Variants in SEMA4B observed in about 807,000 individuals in gnomAD.
The protein encoded by SEMA4B is semaphorin-4B.
In SEMA4B, 55 loss-of-function variants were observed where a neutral mutation model predicts 88.1. That is an observed-to-expected ratio of 0.62 (90% confidence interval 0.50 to 0.78). The LOEUF is 0.78. Among genes scored for constraint, SEMA4B ranks in the 30% least tolerant of loss-of-function variants. The probability of loss-of-function intolerance (pLI) is 0.00; values close to 1 mark genes in which losing one functional copy is unlikely to be tolerated. For missense variants in SEMA4B, 1,062 were observed against 1,111.9 expected (o/e 0.96, Z 0.64); for synonymous variants, 525 against 473.6 (o/e 1.11, Z -1.41).
rs563424902 is a variant in SEMA4B at position 90,217,776 on chromosome 15, G to A, written c.331G>A (p.Gly111Ser). 1.9e-6 allele frequency: 3 copies of A among 1,613,482 alleles called. No individual in the cohort carries two copies. In the South Asian group the frequency reaches 3.3e-5, roughly 18 times the overall value. The part of the protein sequence containing the change: ...PGGEYQELLW[G>S]ADAEKKQQCS... ...CTTTCTCATTCCCCAGCTGCTTTGG[G>A]GTGCAGACGCAGAGAAGAAACAGCA... The change falls in exon 3 of 14, where the codon GGT becomes AGT. Residue 111 changes from glycine to serine, a missense_variant. Transcript: ENST00000411539.
chr15:90,192,805 G>A (rs1298304332), intron 1 of SEMA4B, among the ~76,000 whole-genome samples: 1 of 152,128 alleles, frequency 6.6e-6, no homozygotes, highest in Non-Finnish European at 1.5e-5. Flanking sequence ...TGGCCAGGCT[G>A]GTCTCAAACT....
At chr15:90,206,599 G>A (rs1961001565) in intron 1 of SEMA4B, 1 of 572,450 alleles carries the variant, frequency 1.7e-6, no homozygotes, top group East Asian at 3.0e-5. Context: ...CTGCTGGAGG[G>A]GTAATGGACA....
intron 1 of SEMA4B, among the ~76,000 whole-genome samples, chr15:90,213,039 C>T (rs1961351434): frequency 6.6e-6 from 1 of 152,164 alleles, no homozygotes. Context: ...GGTCGCGTGC[C>T]AGACACCATG....
intron 1 of SEMA4B, among the ~76,000 whole-genome samples, chr15:90,189,892 T>C (rs1960294156): frequency 6.6e-6 from 1 of 152,178 alleles, no homozygotes; most frequent in Admixed American, 6.6e-5. Flanking sequence ...TCACAGGCTA[T>C]AGTGAAAGAA....
chr15:90,193,126 A>G (rs1190215502), intron 1 of SEMA4B: 1 of 152,308 alleles, frequency 6.6e-6, no homozygotes, highest in Non-Finnish European at 1.5e-5. Context: ...CTCCCTTTCC[A>G]AGCTGCCTCC....
At chr15:90,225,973 C>A in intron 12 of SEMA4B, 146 bp downstream of exon 12, 1 of 584,858 alleles carries the variant, frequency 1.7e-6, no homozygotes, top group Non-Finnish European at 2.7e-6. Context: ...CTCCTGCTTC[C>A]TCTCAAGTGC....
At chr15:90,218,161 C>G (rs1430902428) in intron 3 of SEMA4B, among the ~76,000 whole-genome samples, 4 of 152,112 alleles carry the variant, frequency 2.6e-5, no homozygotes, top group Non-Finnish European at 5.9e-5. Context: ...AAGTCAGCTT[C>G]CAGCGTGAAC....
chr15:90,215,236 T>C (rs548444313), intron 1 of SEMA4B, among the ~76,000 whole-genome samples: 137 of 151,950 alleles, frequency 9.0e-4, no homozygotes, highest in African/African-American at 3.2e-3. Context: ...TTTTTTTTCT[T>C]TGATTTATAT....
intron 1 of SEMA4B, among the ~76,000 whole-genome samples, chr15:90,188,061 G>A (rs1960218439): frequency 1.3e-5 from 2 of 151,826 alleles, no homozygotes. Context: ...GCTCATGCCT[G>A]TAATCCCAGC....
chr15:90,193,925 C>G (rs890448625), intron 1 of SEMA4B, among the ~76,000 whole-genome samples: 5 of 151,432 alleles, frequency 3.3e-5, no homozygotes, highest in African/African-American at 1.2e-4. Flanking sequence ...CATCTTGGCT[C>G]ACTACAACCT....
intron 1 of SEMA4B, chr15:90,215,023 T>G: frequency 2.4e-6 from 3 of 1,254,404 alleles, no homozygotes; most frequent in Non-Finnish European, 3.1e-6. Context: ...CACTTTTTGC[T>G]TCCTCAGCTT....
intron 1 of SEMA4B, among the ~76,000 whole-genome samples, chr15:90,192,631 C>T (rs1157079810): frequency 6.9e-6 from 1 of 145,498 alleles, no homozygotes; most frequent in Non-Finnish European, 1.5e-5. Context: ...GCTCTTGTCA[C>T]CCAGGCTGGA....
upstream of SEMA4B, among the ~76,000 whole-genome samples, chr15:90,199,563 A>G (rs1673664497): frequency 6.6e-6 from 1 of 152,114 alleles, no homozygotes; most frequent in African/African-American, 2.4e-5. Flanking sequence ...GTGGTGGCTC[A>G]CGCCTGAAAT....
chr15:90,220,536 T>G (rs1236828130), intron 4 of SEMA4B, among the ~76,000 whole-genome samples: 3 of 151,602 alleles, frequency 2.0e-5, no homozygotes, highest in Non-Finnish European at 2.9e-5. Context: ...CCTGGCTAAT[T>G]TTTTCTATTT....
At chr15:90,204,800 G>A (rs1960913210) in intron 1 of SEMA4B, among the ~76,000 whole-genome samples, 1 of 152,106 alleles carries the variant, frequency 6.6e-6, no homozygotes, top group African/African-American at 2.4e-5. Context: ...TTTTGAGATG[G>A]AGTTTCGCTC....
chr15:90,223,449 G>A, intron 7 of SEMA4B, 110 bp from the exon 8 acceptor site: 2 of 958,370 alleles, frequency 2.1e-6, no homozygotes, highest in East Asian at 2.8e-5. Context: ...GCCTTCTCCT[G>A]CCCTTCAGTC....
At chr15:90,199,063 G>A (rs1960609526), upstream of SEMA4B, among the ~76,000 whole-genome samples, 1 of 152,108 alleles carries the variant, frequency 6.6e-6, no homozygotes, top group African/African-American at 2.4e-5. Flanking sequence ...TAGTAGAGAT[G>A]GGGATTCACC....
intron 1 of SEMA4B, among the ~76,000 whole-genome samples, chr15:90,191,266 C>T (rs1010973071): frequency 9.9e-5 from 15 of 152,192 alleles, no homozygotes; most frequent in Admixed American, 9.2e-4. Context: ...TTGGGCTGGG[C>T]GGGCCGGTTC....
At chr15:90,210,535 C>A (rs1026804959) in intron 1 of SEMA4B, among the ~76,000 whole-genome samples, 1 of 152,122 alleles carries the variant, frequency 6.6e-6, no homozygotes, top group African/African-American at 2.4e-5. Context: ...GCGGCATCCC[C>A]ACCACTCCTC....
Sources: gnomAD v4.1 joint callset for allele counts (sites outside exome capture counted in the v4.1 genomes callset) on GRCh38, gnomAD v4.1.1 for gene constraint, MANE v1.5 for transcripts, NCBI Gene and HGNC (gene_info 2026-07-23, HGNC 2026-07-21) for gene names.